HYDIN: variants seen among roughly 807,000 people sequenced by gnomAD.
The protein encoded by HYDIN is axonemal central pair apparatus protein HYDIN.
Under a neutral mutation model 403.9 loss-of-function variants are expected in HYDIN, and 132 were observed. The ratio of observed to expected loss-of-function variants is 0.33; its 90% CI spans 0.28 to 0.38. The LOEUF is 0.38. Among genes scored for constraint, HYDIN ranks in the 10% least tolerant of loss-of-function variants. The probability of loss-of-function intolerance (pLI) is 1.00; values close to 1 mark genes in which losing one functional copy is unlikely to be tolerated. For missense variants in HYDIN, 2,827 were observed against 5,009.5 expected (o/e 0.56, Z 13.15); for synonymous variants, 1,202 against 1,891.7 (o/e 0.64, Z 9.46).
intron 5 of HYDIN, among the ~76,000 whole-genome samples, chr16:71,168,921 T>C (rs1352544009): frequency 3.3e-5 from 5 of 152,214 alleles, no homozygotes; most frequent in Admixed American, 1.3e-4. Context: ...TGTAAATTAG[T>C]ACAGCCATTA....
At chr16:70,837,241 A>T (rs2037489810) in intron 77 of HYDIN, among the ~76,000 whole-genome samples, 1 of 152,084 alleles carries the variant, frequency 6.6e-6, no homozygotes, top group Non-Finnish European at 1.5e-5. Context: ...AATGCTAATC[A>T]ATGGGGTGTT....
rs2143891167 is a variant in HYDIN at position 70,943,908 on chromosome 16, C to T, written c.6573G>A (p.Trp2191Ter). 6.2e-7 allele frequency: 1 copy of T among 1,613,452 alleles called. No homozygotes were observed. Among genetic ancestry groups the T allele is most frequent in the South Asian group, 1.1e-5 (1 of 90,920 alleles). The part of the protein sequence containing the change: ...SPLPPGPIHR[W>*]LSVSPSVGGE... Reference sequence around the variant, plus strand: ...CTCCGACACTGGGACTAACACTGAGCCAGCGGTGGATGGGCCCCGGGGGGA... The same window carrying T: ...CTCCGACACTGGGACTAACACTGAGTCAGCGGTGGATGGGCCCCGGGGGGA... The change falls in exon 42 of 86, where the codon TGG (tryptophan) becomes TGA (stop). Residue 2191 changes from tryptophan (W) to a stop codon, truncating the protein, a stop_gained. Coordinates refer to ENST00000393567, the MANE Select transcript of HYDIN (RefSeq NM_001270974.2). LOFTEE classifies it high-confidence loss of function.
chr16:71,182,069 C>T (rs1169902966), intron 3 of HYDIN, among the ~76,000 whole-genome samples: 2 of 152,054 alleles, frequency 1.3e-5, no homozygotes, highest in Non-Finnish European at 2.9e-5. Flanking sequence ...AAAGCAAGTG[C>T]AAAGTCCTTC....
At chr16:71,206,465 C>T (rs896999923) in intron 1 of HYDIN, among the ~76,000 whole-genome samples, 1 of 152,114 alleles carries the variant, frequency 6.6e-6, no homozygotes, top group East Asian at 1.9e-4. Context: ...AACATTGGCC[C>T]ACACAGCTGA....
intron 23 of HYDIN, among the ~76,000 whole-genome samples, chr16:70,995,438 C>T (rs1323630979): frequency 6.6e-6 from 1 of 152,164 alleles, no homozygotes; most frequent in Non-Finnish European, 1.5e-5. Context: ...CAGACACCCG[C>T]TCATCAGCAG....
intron 1 of HYDIN, among the ~76,000 whole-genome samples, chr16:71,196,832 T>C (rs1317335048): frequency 6.6e-6 from 1 of 152,202 alleles, no homozygotes; most frequent in Non-Finnish European, 1.5e-5. Context: ...CATGAAAGTT[T>C]ACAAATGCCA....
Position 70,990,021 on chromosome 16 carries a change from CG to C in HYDIN, c.3864+1296del, listed in dbSNP as rs1567957557. On this transcript the variant is annotated intron_variant, in intron 25 of 85. Coordinates refer to ENST00000393567, the MANE Select transcript of HYDIN (RefSeq NM_001270974.2). ...TCTTCCAGCTCCACTGCTTGATGGA[CG>C]TGTCCCTGCATTGGTAAAATGGGGA... Among the ~76,000 whole-genome samples the C allele has an allele frequency of 5.3e-5, 8 of 152,268 alleles. No individual in the cohort carries two copies. The East Asian group carries it at 9.7e-4, about 18-fold the overall frequency.
intron 18 of HYDIN, among the ~76,000 whole-genome samples, chr16:71,051,505 A>G (rs1358960919): frequency 2.6e-5 from 4 of 151,884 alleles, no homozygotes; most frequent in East Asian, 1.9e-4. Context: ...TATTAGCCGG[A>G]CGTGGTGGCG....
intron 13 of HYDIN, among the ~76,000 whole-genome samples, chr16:71,070,286 C>T (rs1278719859): frequency 6.6e-6 from 1 of 150,624 alleles, no homozygotes; most frequent in African/African-American, 2.4e-5. Flanking sequence ...TCCTTCCTTC[C>T]TTCCTTCCTT....
intron 7 of HYDIN, among the ~76,000 whole-genome samples, chr16:71,146,263 ATCTAAT>A (rs2144562912): frequency 6.6e-6 from 1 of 151,202 alleles, no homozygotes; most frequent in Non-Finnish European, 1.5e-5. Context: ...AGTGACCCAA[ATCTAAT>A]TCTAAGGCCA....
intron 18 of HYDIN, among the ~76,000 whole-genome samples, chr16:71,039,803 G>A (rs2081223397): frequency 6.6e-6 from 1 of 152,144 alleles, no homozygotes; most frequent in Non-Finnish European, 1.5e-5. Flanking sequence ...CATTTTTCCT[G>A]GCTGCAGGAC....
intron 1 of HYDIN, among the ~76,000 whole-genome samples, chr16:71,193,935 T>C (rs183608439): frequency 9.8e-5 from 15 of 152,302 alleles, no homozygotes; most frequent in Admixed American, 2.6e-4. Context: ...AGTTAAATCT[T>C]TGAACAAGTT....
At chr16:70,840,030 G>C in intron 76 of HYDIN, 34 bp downstream of exon 76, 2 of 607,860 alleles carry the variant, frequency 3.3e-6, no homozygotes, top group Non-Finnish European at 5.7e-6. Flanking sequence ...CAAGCAGCTA[G>C]AGAATCATTT....
chr16:71,035,730 T>G (rs2081063605), intron 18 of HYDIN, among the ~76,000 whole-genome samples: 1 of 152,198 alleles, frequency 6.6e-6, no homozygotes, highest in South Asian at 2.1e-4. Context: ...CCACATGAAT[T>G]CCAATTGGTG....
intron 5 of HYDIN, among the ~76,000 whole-genome samples, chr16:71,164,122 A>G (rs1381677508): frequency 6.9e-6 from 1 of 143,980 alleles, no homozygotes; most frequent in Non-Finnish European, 1.5e-5. Context: ...ATCTAAAAAA[A>G]GCTTTGTTTT....
chr16:70,905,339 C>T (rs990135194), intron 50 of HYDIN, among the ~76,000 whole-genome samples: 2 of 151,826 alleles, frequency 1.3e-5, no homozygotes, highest in Admixed American at 6.6e-5. Flanking sequence ...AGGCTCAGCA[C>T]GGTTTAAAAT....
At chr16:71,145,444 G>T (rs896463275) in intron 7 of HYDIN, among the ~76,000 whole-genome samples, 1 of 152,036 alleles carries the variant, frequency 6.6e-6, no homozygotes, top group Non-Finnish European at 1.5e-5. Context: ...TAGTAGAGAT[G>T]GGGTTTCACC....
At chr16:70,874,944 G>A (rs967257114) in intron 62 of HYDIN, 25 bp from the exon 63 acceptor site, 7 of 1,557,064 alleles carry the variant, frequency 4.5e-6, no homozygotes, top group Non-Finnish European at 6.1e-6. Flanking sequence ...GCAGGGATGA[G>A]TGCTAGGCTT....
rs555891235 is a variant in HYDIN, at chr16:70,829,902, A to G, written c.13900-72T>C. ...CCGTCTCCAGGGCCAGAAGTACAGAATGTGCGCTGGGGAAGACTGACTTTG... is the reference window on the plus strand; with the variant it reads ...CCGTCTCCAGGGCCAGAAGTACAGAGTGTGCGCTGGGGAAGACTGACTTTG... On this transcript the variant is annotated intron_variant, in intron 80 of 85. Transcript: ENST00000393567. 6.3e-4 allele frequency: 881 copies of G among 1,391,530 alleles called. 1 individual carries two copies. The highest frequency in any genetic ancestry group is 6.8e-4 in the Non-Finnish European group (669 of 988,934). 86.2% of individuals were successfully genotyped at this position (1,391,530 alleles called of 1,614,324 possible).
Sources: gnomAD v4.1 joint callset for allele counts (sites outside exome capture counted in the v4.1 genomes callset) on GRCh38, gnomAD v4.1.1 for gene constraint, MANE v1.5 for transcripts, NCBI Gene and HGNC (gene_info 2026-07-23, HGNC 2026-07-21) for gene names.